Variants in PPP2R2B observed in about 807,000 individuals in gnomAD.
PPP2R2B encodes the protein serine/threonine-protein phosphatase 2A 55 kDa regulatory subunit B beta isoform.
Under a neutral mutation model 46.0 loss-of-function variants are expected in PPP2R2B, and 5 were observed. The observed-to-expected ratio is 0.11, with a 90% CI of 0.06 to 0.23. The LOEUF (loss-of-function observed/expected upper bound fraction) is 0.23, where lower values mean the gene tolerates loss of function less well. Ranked by LOEUF, PPP2R2B falls within the 10% of genes least tolerant of loss-of-function variation. The pLI is 1.00. For missense variants in PPP2R2B, 367 were observed against 575.0 expected (o/e 0.64, Z 3.70); for synonymous variants, 215 against 206.7 (o/e 1.04, Z -0.34).
intron 1 of PPP2R2B, among the ~76,000 whole-genome samples, chr5:147,025,436 G>A (rs538261602): frequency 1.2e-3 from 179 of 151,664 alleles, no homozygotes; most frequent in African/African-American, 4.0e-3. Context: ...TTACCCCAAC[G>A]CTAAAGTCAC....
intron 1 of PPP2R2B, among the ~76,000 whole-genome samples, chr5:146,993,999 TGG>T (rs1753816288): frequency 6.6e-6 from 1 of 152,086 alleles, no homozygotes. Context: ...TATTTTCCCT[TGG>T]GGTTTGGACT....
chr5:147,047,650 A>G (rs1756605629), intron 1 of PPP2R2B, among the ~76,000 whole-genome samples: 1 of 152,120 alleles, frequency 6.6e-6, no homozygotes, highest in African/African-American at 2.4e-5. Context: ...CTTTTTATAG[A>G]TGATAAAATT....
At chr5:146,907,643 T>C (rs184623575) in intron 1 of PPP2R2B, among the ~76,000 whole-genome samples, 26 of 152,368 alleles carry the variant, frequency 1.7e-4, no homozygotes, top group African/African-American at 6.3e-4. Context: ...AGTTCTCTAC[T>C]TGGGAGAAAC....
At chr5:146,902,341 C>A (rs1004586418) in intron 1 of PPP2R2B, among the ~76,000 whole-genome samples, 2 of 152,144 alleles carry the variant, frequency 1.3e-5, no homozygotes, top group South Asian at 4.1e-4. Context: ...ATCCTATGAA[C>A]TGTTCTGCAA....
chr5:146,671,372 T>C (rs1777359783), intron 5 of PPP2R2B, among the ~76,000 whole-genome samples: 1 of 152,220 alleles, frequency 6.6e-6, no homozygotes, highest in African/African-American at 2.4e-5. Flanking sequence ...TAAGAACCGC[T>C]AAATGGTGGG....
upstream of PPP2R2B, among the ~76,000 whole-genome samples, chr5:147,056,468 G>GC (rs1367521498): frequency 6.6e-6 from 1 of 152,140 alleles, no homozygotes. Context: ...TCCCCTGCCA[G>GC]CCTTAACAGT....
chr5:146,687,252 A>G (rs1014302111), intron 5 of PPP2R2B, among the ~76,000 whole-genome samples: 2 of 152,206 alleles, frequency 1.3e-5, no homozygotes, highest in African/African-American at 4.8e-5. Context: ...GTCCTGGAAT[A>G]ACCAGTTGAG....
At chr5:146,822,534 GGT>G (rs72300042) in intron 2 of PPP2R2B, among the ~76,000 whole-genome samples, 3 of 133,912 alleles carry the variant, frequency 2.2e-5, no homozygotes, top group Admixed American at 1.5e-4. Context: ...CTTCATTTTT[GGT>G]TTTTTTTTTT....
chr5:146,857,597 G>C (rs1444108122), intron 2 of PPP2R2B, among the ~76,000 whole-genome samples: 1 of 152,052 alleles, frequency 6.6e-6, no homozygotes, highest in African/African-American at 2.4e-5. Context: ...CAAAGATTAA[G>C]GTTAGTGTAT....
chr5:146,910,068 T>C (rs1452140713), intron 1 of PPP2R2B, among the ~76,000 whole-genome samples: 3 of 152,232 alleles, frequency 2.0e-5, no homozygotes, highest in Admixed American at 6.5e-5. Flanking sequence ...AATGTTGAGA[T>C]AGTCCATTCT....
intron 2 of PPP2R2B, among the ~76,000 whole-genome samples, chr5:146,742,087 A>C (rs779572095): frequency 1.4e-4 from 21 of 152,186 alleles, no homozygotes; most frequent in Non-Finnish European, 2.8e-4. Context: ...CTTACAAAGG[A>C]AAATGTTATG....
chr5:146,595,732 AG>A (rs1440558845), intron 8 of PPP2R2B, among the ~76,000 whole-genome samples: 1 of 152,232 alleles, frequency 6.6e-6, no homozygotes, highest in Admixed American at 6.5e-5. Context: ...ACTAGAGGAA[AG>A]AATAAAGTGA....
At chr5:146,737,780 A>C (rs1041099680) in intron 2 of PPP2R2B, among the ~76,000 whole-genome samples, 20 of 151,480 alleles carry the variant, frequency 1.3e-4, no homozygotes, top group African/African-American at 4.4e-4. Context: ...TTGGTTTAAC[A>C]AATGTTGTTG....
intron 2 of PPP2R2B, among the ~76,000 whole-genome samples, chr5:146,793,557 C>T (rs1002945809): frequency 3.9e-5 from 6 of 152,026 alleles, no homozygotes; most frequent in African/African-American, 1.4e-4. Context: ...TTAAGGAAAT[C>T]GAGGCTCATG....
chr5:146,632,974 G>A (rs377317665), intron 7 of PPP2R2B, among the ~76,000 whole-genome samples: 28 of 152,242 alleles, frequency 1.8e-4, no homozygotes, highest in African/African-American at 6.0e-4. Context: ...CATTCCCCAG[G>A]TTGGTGTCCA....
At chr5:146,956,096 G>A (rs1751891071) in intron 1 of PPP2R2B, among the ~76,000 whole-genome samples, 1 of 151,956 alleles carries the variant, frequency 6.6e-6, no homozygotes, top group Non-Finnish European at 1.5e-5. Flanking sequence ...TCTTTCTAAG[G>A]AGTCTAAGAA....
At chr5:146,933,853 C>T (rs1408998253) in intron 1 of PPP2R2B, among the ~76,000 whole-genome samples, 1 of 138,134 alleles carries the variant, frequency 7.2e-6, no homozygotes, top group Non-Finnish European at 1.5e-5. Flanking sequence ...CACAACAGTC[C>T]CCAGAGTGTG....
intron 5 of PPP2R2B, among the ~76,000 whole-genome samples, chr5:146,652,481 G>T (rs904426727): frequency 6.6e-6 from 1 of 152,078 alleles, no homozygotes; most frequent in South Asian, 2.1e-4. Flanking sequence ...GGCTAGGTGC[G>T]CAAAAGAGAG....
At chr5:146,615,697 A>T (rs1444194405) in intron 7 of PPP2R2B, among the ~76,000 whole-genome samples, 1 of 151,984 alleles carries the variant, frequency 6.6e-6, no homozygotes, top group African/African-American at 2.4e-5. Context: ...GAGAAGTAAA[A>T]GGTCTCTACA....
Sources: gnomAD v4.1 joint callset for allele counts (sites outside exome capture counted in the v4.1 genomes callset) on GRCh38, gnomAD v4.1.1 for gene constraint, MANE v1.5 for transcripts, NCBI Gene and HGNC (gene_info 2026-07-23, HGNC 2026-07-21) for gene names.